The following ZNF577 variants were observed in gnomAD, a reference collection of about 807,000 sequenced individuals.
ZNF577 encodes zinc finger protein 577.
Under a neutral mutation model 13.9 loss-of-function variants are expected in ZNF577, and 14 were observed. That is an observed-to-expected ratio of 1.00 (90% confidence interval 0.66 to 1.57). The LOEUF (loss-of-function observed/expected upper bound fraction) is 1.57, where lower values mean the gene tolerates loss of function less well. ZNF577 is among the 40% of genes most tolerant of loss of function. The pLI is 0.00. For missense variants in ZNF577, 555 were observed against 579.2 expected (o/e 0.96, Z 0.43); for synonymous variants, 203 against 202.9 (o/e 1.00, Z 0.00).
chr19:51,870,209 G>A lies in ZNF577; in HGVS notation c.*2323C>T, dbSNP rs1260684668. Among the ~76,000 whole-genome samples the A allele has an allele frequency of 6.6e-6, 1 of 152,202 alleles. No individual in the cohort carries two copies. The highest frequency in any genetic ancestry group is 2.4e-5 in the African/African-American group (1 of 41,454). ...TCTAACATCCTTTTCTGCTATAAGT[G>A]TGCCACTTCTGGGTCTCTACTGAGT... On this transcript the variant is annotated 3_prime_UTR_variant, in exon 6 of 6. Transcript: ENST00000638348.
chr19:51,805,095 G>T (rs577909371), exon 11 of ZNF577: 52 of 152,304 alleles, frequency 3.4e-4, no homozygotes, highest in African/African-American at 1.3e-3. Context: ...TAAACAGTTT[G>T]CTGTTTGATC....
rs1267622073 is a variant in ZNF577, at chr19:51,873,636, GCATGATCTCC to G, written c.344_353del (p.Gly115AlafsTer79). 9.9e-6 allele frequency: 16 copies of G among 1,613,972 alleles called. No homozygotes were observed. Among genetic ancestry groups the G allele is most frequent in the Non-Finnish European group, 1.4e-5 (16 of 1,180,020 alleles). ...GAGTTTTGTCACGCTTGATATGGAG[GCATGATCTCC>G]CATATCCACCAAATGCATCAGAATC... On this transcript the variant is annotated frameshift_variant, in exon 6 of 6. Coordinates refer to ENST00000638348, the MANE Select transcript of ZNF577 (RefSeq NM_001370449.1). LOFTEE classifies it low-confidence loss of function (END_TRUNC).
At chr19:51,821,450 C>A (rs2084188845) in intron 9 of ZNF577, among the ~76,000 whole-genome samples, 1 of 152,096 alleles carries the variant, frequency 6.6e-6, no homozygotes, top group Non-Finnish European at 1.5e-5. Flanking sequence ...TGCTAAATAT[C>A]CTACTGTGCA....
downstream of ZNF577, among the ~76,000 whole-genome samples, chr19:51,866,591 CTG>C (rs2084566414): frequency 6.6e-6 from 1 of 152,190 alleles, no homozygotes; most frequent in Non-Finnish European, 1.5e-5. Flanking sequence ...ACCTAAAGAA[CTG>C]TGAGACAATA....
At chr19:51,817,989 CTT>C (rs2084154087) in intron 9 of ZNF577, among the ~76,000 whole-genome samples, 1 of 143,916 alleles carries the variant, frequency 6.9e-6, no homozygotes, top group African/African-American at 2.5e-5. Flanking sequence ...TTTTTTTTTT[CTT>C]TTTTCTTTTC....
At chr19:51,882,267 A>G (rs7250193) in intron 1 of ZNF577, among the ~76,000 whole-genome samples, 37,774 of 151,940 alleles carry the variant, frequency 0.25, 6,146 homozygotes, top group African/African-American at 0.45. Flanking sequence ...TCCCTCATAC[A>G]TAATACATCA....
intron 1 of ZNF577, among the ~76,000 whole-genome samples, chr19:51,884,444 C>G (rs113595373): frequency 0.015 from 2,280 of 151,912 alleles, 73 homozygotes; most frequent in African/African-American, 0.052. Context: ...AATTGATAAC[C>G]ATTGAAGCTA....
intron 10 of ZNF577, among the ~76,000 whole-genome samples, chr19:51,805,686 G>A (rs1358542528): frequency 1.3e-5 from 2 of 152,100 alleles, no homozygotes; most frequent in African/African-American, 4.8e-5. Context: ...AAGTAGCCTC[G>A]CTTGGTTGGC....
intron 5 of ZNF577, among the ~76,000 whole-genome samples, chr19:51,851,840 C>T (rs2122565446): frequency 6.6e-6 from 1 of 152,306 alleles, no homozygotes; most frequent in African/African-American, 2.4e-5. Flanking sequence ...CCTTTTCCAC[C>T]CACAAGGTAT....
exon 11 of ZNF577, chr19:51,804,876 G>A (rs1192773961): frequency 6.6e-6 from 1 of 152,180 alleles, no homozygotes. Flanking sequence ...GCTTTACACG[G>A]CCCTCTGTAT....
intron 1 of ZNF577, among the ~76,000 whole-genome samples, chr19:51,884,885 G>A (rs1012941067): frequency 6.6e-6 from 1 of 152,194 alleles, no homozygotes; most frequent in East Asian, 1.9e-4. Context: ...CAAGAAAACA[G>A]CATGTTCTGA....
chr19:51,838,489 T>TA lies in ZNF577; in HGVS notation c.*599+1403dup, dbSNP rs200480815. Among the ~76,000 whole-genome samples, 294 of 150,466 alleles carry TA rather than the reference T, an allele frequency of 2.0e-3. 1 individual carries two copies. Among genetic ancestry groups the TA allele is most frequent in the Admixed American group, 4.3e-3 (65 of 15,110 alleles). Reference sequence around the variant, plus strand: ...ATGTACCCTAGAACTTAAAGTATAATAAAAAATTTTTTTTTAAAATAGCCA... The same window carrying TA: ...ATGTACCCTAGAACTTAAAGTATAATAAAAAAATTTTTTTTTAAAATAGCCA... On this transcript the variant is annotated intron_variant and NMD_transcript_variant, in intron 9 of 10. Transcript: ENST00000638827.
At position 51,824,815 on chromosome 19, in the gene ZNF577, G is replaced by T. The variant is rs201810419; in HGVS notation, c.*600-13141C>A. The T allele has an allele frequency of 6.3e-7, 1 of 1,597,768 alleles. No homozygotes were observed. Among genetic ancestry groups the T allele is most frequent in the Non-Finnish European group, 8.5e-7 (1 of 1,171,072 alleles). On this transcript the variant is annotated intron_variant and NMD_transcript_variant, in intron 9 of 10. Coordinates refer to the ZNF577 transcript ENST00000638827. This position sits in a 1 kb window ranked among gnomAD's most constrained non-coding sequence, Gnocchi z 4.7. ...ACGGAGTTACAAGCAATGTGAGGTC[G>T]GGGATATTTTTGGGCTCTGTCTCTT... is the stretch of plus-strand genomic sequence containing the variant.
Position 51,867,499 on chromosome 19 carries a change from G to C in ZNF577, c.*5033C>G, listed in dbSNP as rs569020166. 6.6e-6 allele frequency among the ~76,000 whole-genome samples: 1 copy of C among 152,094 alleles called. No individual in the cohort carries two copies. Among genetic ancestry groups the C allele is most frequent in the South Asian group, 2.1e-4 (1 of 4,800 alleles). On this transcript the variant is annotated 3_prime_UTR_variant, in exon 6 of 6. Coordinates refer to ENST00000638348, the MANE Select transcript of ZNF577 (RefSeq NM_001370449.1). ...TTTTTAAAAACACAAAGCTGGCCAG[G>C]CGCGGTGGCTCACACCTGTAATCCC...
intron 5 of ZNF577, among the ~76,000 whole-genome samples, chr19:51,850,112 T>G (rs145270157): frequency 6.6e-6 from 1 of 152,196 alleles, no homozygotes; most frequent in Non-Finnish European, 1.5e-5. Flanking sequence ...GTGGAACTTA[T>G]GAAGTAAAGC....
chr19:51,822,487 G>A (rs527751388), intron 9 of ZNF577, among the ~76,000 whole-genome samples: 1 of 152,254 alleles, frequency 6.6e-6, no homozygotes, highest in East Asian at 1.9e-4. Flanking sequence ...GTTGCATAGA[G>A]AAAGGGCTTA....
Position 51,873,498 on chromosome 19 carries a change from C to G in ZNF577, c.492G>C (p.Gly164=). Residue 164 remains glycine (G), a synonymous_variant, in exon 6 of 6, where the codon GGG becomes GGC. Transcript: ENST00000638348. ...GCTGTGCTTTCCTGGAGAAGGCTCT[C>G]CCGCACACACTGCATTCATGTGGTT... ...GGKPHECSVC[G]RAFSRKAQLI... is the part of the protein sequence containing the mutation. 1 of 1,614,176 alleles carries G rather than the reference C, an allele frequency of 6.2e-7. No homozygotes were observed. The highest frequency in any genetic ancestry group is 8.5e-7 in the Non-Finnish European group (1 of 1,180,024).
chr19:51,863,781 A>G (rs1482118014), downstream of ZNF577, among the ~76,000 whole-genome samples: 1 of 152,222 alleles, frequency 6.6e-6, no homozygotes, highest in East Asian at 1.9e-4. Flanking sequence ...TGTAAAAGAG[A>G]TAAACAGTGT....
intron 9 of ZNF577, among the ~76,000 whole-genome samples, chr19:51,826,780 G>A (rs1599843708): frequency 6.6e-6 from 1 of 152,164 alleles, no homozygotes; most frequent in African/African-American, 2.4e-5. Flanking sequence ...GGAGACTAGG[G>A]AATGGGTGCT....
Sources: allele counts gnomAD v4.1 joint callset (sites outside exome capture counted in the v4.1 genomes callset), GRCh38; gene constraint gnomAD v4.1.1; non-coding constraint Gnocchi (gnomAD v3.1); transcripts MANE v1.5; gene names NCBI Gene and HGNC (gene_info 2026-07-23, HGNC 2026-07-21).